DLGAP3: variants seen among roughly 807,000 people sequenced by gnomAD.
DLGAP3 encodes the protein disks large-associated protein 3.
Under a neutral mutation model 81.2 loss-of-function variants are expected in DLGAP3, and 17 were observed. The ratio of observed to expected loss-of-function variants is 0.21; its 90% confidence interval spans 0.14 to 0.31. The LOEUF (loss-of-function observed/expected upper bound fraction) is 0.31, where lower values mean the gene tolerates loss of function less well. DLGAP3 is among the 10% of genes least tolerant of loss of function. The pLI is 1.00. For synonymous variants in DLGAP3, 577 were observed against 587.4 expected, an observed-to-expected ratio of 0.98 and a Z score of 0.26; for missense variants, 1,124 against 1,388.0, an observed-to-expected ratio of 0.81 and a Z score of 3.02.
intron 5 of DLGAP3, among the ~76,000 whole-genome samples, chr1:34,890,087 G>A (rs1214079481): frequency 6.6e-6 from 1 of 152,168 alleles, no homozygotes; most frequent in African/African-American, 2.4e-5. Context: ...AAGGAAGCTG[G>A]TCTGAAGTAC....
intron 5 of DLGAP3, among the ~76,000 whole-genome samples, chr1:34,899,259 G>A (rs567121337): frequency 2.6e-4 from 39 of 152,152 alleles, no homozygotes; most frequent in African/African-American, 8.2e-4. Context: ...TAGTAGAGAC[G>A]GGGTTTCACC....
Position 34,866,014 on chromosome 1 carries a change from C to T in DLGAP3, c.*69G>A. ...ACGGGGCGGCCCGCGTTCACAGTGA[C>T]CTCGACGCTGGGTGTACAGTACGGG... On this transcript the variant is annotated 3_prime_UTR_variant, in exon 12 of 12. Transcript: ENST00000373347. 1.4e-6 allele frequency: 2 copies of T among 1,379,790 alleles called. No individual in the cohort carries two copies. The highest frequency in any genetic ancestry group is 1.2e-5 in the South Asian group (1 of 81,972). 85.5% of individuals were successfully genotyped at this position (1,379,790 alleles called of 1,614,324 possible). A position where few individuals can be genotyped will look rare whatever the true frequency, so the allele number is the denominator to read the frequency against.
intron 5 of DLGAP3, among the ~76,000 whole-genome samples, chr1:34,888,538 T>A (rs774538446): frequency 7.9e-5 from 12 of 152,186 alleles, no homozygotes; most frequent in Non-Finnish European, 1.2e-4. Flanking sequence ...AGAGCCAAAT[T>A]TGCTGGAGAT....
chr1:34,899,067 G>C (rs1639415850), intron 5 of DLGAP3, among the ~76,000 whole-genome samples: 1 of 150,122 alleles, frequency 6.7e-6, no homozygotes, highest in Non-Finnish European at 1.5e-5. Flanking sequence ...CCTGCGCCCT[G>C]TCTGTACAAA....
At chr1:34,879,165 A>G (rs954222986) in intron 8 of DLGAP3, among the ~76,000 whole-genome samples, 18 of 152,136 alleles carry the variant, frequency 1.2e-4, no homozygotes, top group African/African-American at 3.9e-4. Flanking sequence ...TTTATTGGGC[A>G]TTTTATTTCT....
At chr1:34,890,613 C>T (rs1027478544) in intron 5 of DLGAP3, among the ~76,000 whole-genome samples, 5 of 152,216 alleles carry the variant, frequency 3.3e-5, no homozygotes, top group African/African-American at 1.2e-4. Flanking sequence ...CTGTGAGTAG[C>T]CCTGTAGTGA....
Position 34,865,876 on chromosome 1 carries a change from G to A in DLGAP3, c.*207C>T. On this transcript the variant is annotated 3_prime_UTR_variant, in exon 12 of 12. Coordinates refer to ENST00000373347, the MANE Select transcript of DLGAP3 (RefSeq NM_001080418.3). ...CAGGTGAGGGGCGCAGGGCGGAGAG[G>A]CACGGCCCCCTGCCCAGCCCGGGCG... 3.0e-6 allele frequency: 2 copies of A among 667,670 alleles called. No individual in the cohort carries two copies. The highest frequency in any genetic ancestry group is 2.2e-5 in the Admixed American group (1 of 45,036). 41.4% of individuals were successfully genotyped at this position (667,670 alleles called of 1,614,324 possible).
chr1:34,919,911 C>A (rs770026140), intron 1 of DLGAP3, among the ~76,000 whole-genome samples: 1 of 152,240 alleles, frequency 6.6e-6, no homozygotes, highest in South Asian at 2.1e-4. Context: ...GAATTCACAT[C>A]ACAACCCTGG....
rs1639511654 is a variant in DLGAP3, at chr1:34,904,526, G to A, written c.858C>T (p.Pro286=). The change falls in exon 3 of 12, where the codon CCC becomes CCT. Residue 286 remains proline (P), a synonymous_variant. Coordinates refer to ENST00000373347, the MANE Select transcript of DLGAP3 (RefSeq NM_001080418.3). This position sits in a 1 kb window ranked among gnomAD's most constrained non-coding sequence, Gnocchi z 8.1. ...ACCCATCTGGACCCTCCAGGCAGAA[G>A]GGACCACCAGGCTCCCCAGGGGGCC... ...GGRPPGEPGG[P]FCLEGPDGSY... 6.2e-7 allele frequency: 1 copy of A among 1,614,184 alleles called. No homozygotes were observed. Among genetic ancestry groups the A allele is most frequent in the Non-Finnish European group, 8.5e-7 (1 of 1,180,000 alleles).
chr1:34,900,271 C>A lies in DLGAP3; in HGVS notation c.1110G>T (p.Val370=), dbSNP rs373753632. ...GGTAACCCCCCCAGTCATCTTGCGG[C>A]ACCTGCAGGAACAGGGGTCTCTGTC... is the stretch of plus-strand genomic sequence containing the variant. ...AKARTYHYLQ[V]PQDDWGGYPT... The change falls in exon 4 of 12, where the codon GTG becomes GTT. Residue 370 remains valine, a splice_region_variant and synonymous_variant. Coordinates refer to ENST00000373347, the MANE Select transcript of DLGAP3 (RefSeq NM_001080418.3). This position sits in a 1 kb window ranked among gnomAD's most constrained non-coding sequence, Gnocchi z 5.6. 6.2e-7 allele frequency: 1 copy of A among 1,613,700 alleles called. No homozygotes were observed. Among genetic ancestry groups the A allele is most frequent in the East Asian group, 2.2e-5 (1 of 44,872 alleles).
chr1:34,904,362 C>A lies in DLGAP3; in HGVS notation c.1022G>T (p.Arg341Leu), dbSNP rs777517092. The A allele has an allele frequency of 6.2e-7, 1 of 1,613,062 alleles. No individual in the cohort carries two copies. The highest frequency in any genetic ancestry group is 8.5e-7 in the Non-Finnish European group (1 of 1,180,040). ...TGGCCCGGCCCCCGGGTATCCATCC[C>A]GGCCCTGGCTGACCATCATGGTATG... Reference protein sequence around the residue: ...AWHTMMVSQGRDGYPGAGPGK... With the variant: ...AWHTMMVSQGLDGYPGAGPGK... The change falls in exon 3 of 12, where the codon CGG (arginine) becomes CTG (leucine). Residue 341 changes from arginine (R) to leucine (L), a missense_variant. Coordinates refer to ENST00000373347, the MANE Select transcript of DLGAP3 (RefSeq NM_001080418.3). This position sits in a 1 kb window ranked among gnomAD's most constrained non-coding sequence, Gnocchi z 8.1.
intron 8 of DLGAP3, among the ~76,000 whole-genome samples, chr1:34,881,050 T>A (rs1051944564): frequency 6.6e-6 from 1 of 152,120 alleles, no homozygotes; most frequent in Non-Finnish European, 1.5e-5. Flanking sequence ...CCTACCAAAT[T>A]CATTTTAGGA....
At chr1:34,893,204 G>T (rs1207229857) in intron 5 of DLGAP3, among the ~76,000 whole-genome samples, 3 of 143,396 alleles carry the variant, frequency 2.1e-5, no homozygotes, top group Non-Finnish European at 3.0e-5. Context: ...AAAAAACAAT[G>T]AACACCAGAA....
intron 6 of DLGAP3, 44 bp downstream of exon 6, chr1:34,886,028 C>T (rs1244469786): frequency 6.5e-7 from 1 of 1,539,388 alleles, no homozygotes; most frequent in Non-Finnish European, 8.8e-7. Context: ...ACCCAGGGCG[C>T]TCTCCTGCCT....
intron 1 of DLGAP3, among the ~76,000 whole-genome samples, chr1:34,915,102 TCATCCA>T (rs1639696389): frequency 6.6e-6 from 1 of 152,142 alleles, no homozygotes; most frequent in Non-Finnish European, 1.5e-5. Context: ...GGAAAGCCAA[TCATCCA>T]CCTCCATCCA....
intron 8 of DLGAP3, 61 bp from the exon 9 acceptor site, chr1:34,869,150 C>T: frequency 7.9e-7 from 1 of 1,261,954 alleles, no homozygotes; most frequent in Non-Finnish European, 1.1e-6. Flanking sequence ...CTCACCCCCA[C>T]CCCAAGCAAA....
At chr1:34,880,720 T>C (rs907590672) in intron 8 of DLGAP3, among the ~76,000 whole-genome samples, 4 of 151,950 alleles carry the variant, frequency 2.6e-5, no homozygotes, top group African/African-American at 9.7e-5. Context: ...CAAAGGGAGA[T>C]ATCAATATAG....
In DLGAP3 at chr1:34,888,098, C is replaced by G. The variant is rs143280543; in HGVS notation, c.1387-1813G>C. Reference sequence around the variant, plus strand: ...CAGCATCCCATGGCAAACATAACAGCAAGTATCACATGGCTGCATCTTGTG... The same window carrying G: ...CAGCATCCCATGGCAAACATAACAGGAAGTATCACATGGCTGCATCTTGTG... On this transcript the variant is annotated intron_variant, in intron 5 of 11. Coordinates refer to ENST00000373347, the MANE Select transcript of DLGAP3 (RefSeq NM_001080418.3). Among the ~76,000 whole-genome samples, 7 of 152,286 alleles carry G rather than the reference C, an allele frequency of 4.6e-5. No homozygotes were observed. The East Asian group carries it at 9.7e-4, about 21-fold the overall frequency.
chr1:34,920,463 C>A (rs183081257), intron 1 of DLGAP3, among the ~76,000 whole-genome samples: 20 of 152,322 alleles, frequency 1.3e-4, no homozygotes, highest in African/African-American at 4.8e-4. Context: ...CATAAAGACA[C>A]TTTTACTTTC....
Sources: allele counts gnomAD v4.1 joint callset (sites outside exome capture counted in the v4.1 genomes callset), GRCh38; gene constraint gnomAD v4.1.1; non-coding constraint Gnocchi (gnomAD v3.1); transcripts MANE v1.5; gene names NCBI Gene and HGNC (gene_info 2026-07-23, HGNC 2026-07-21).